The following DES variants were observed in gnomAD, a reference collection of about 807,000 sequenced individuals.
DES encodes the protein cardiomyopathy, dilated 1F (autosomal dominant).
Under a neutral mutation model 55.1 loss-of-function variants are expected in DES, and 34 were observed. The ratio of observed to expected loss-of-function variants is 0.62; its 90% CI spans 0.47 to 0.82. The LOEUF (loss-of-function observed/expected upper bound fraction) is 0.82. DES is among the 40% of genes least tolerant of loss of function. The pLI is 0.00. For missense variants in DES, 596 were observed against 645.9 expected (o/e 0.92, Z 0.84); for synonymous variants, 259 against 270.8 (o/e 0.96, Z 0.43).
intron 6 of DES, 67 bp from the exon 7 acceptor site, chr2:219,423,710 A>T (rs1283916485): frequency 6.5e-7 from 1 of 1,530,532 alleles, no homozygotes. Flanking sequence ...AAGTGCTGGG[A>T]TTACAGCTGG....
In DES at chr2:219,418,720, C is replaced by T. The variant is rs994454109; in HGVS notation, c.258C>T (p.Gly86=). The change falls in exon 1 of 9, where the codon GGC becomes GGT. Residue 86 remains glycine, a synonymous_variant. Transcript: ENST00000373960. The part of the protein sequence containing the change: ...TTRTPSSYGA[G]ELLDFSLADA... ...GCACGCCCTCCTCCTACGGCGCAGG[C>T]GAGCTGCTGGACTTCTCACTGGCCG... The T allele has an allele frequency of 1.9e-6, 3 of 1,563,208 alleles. No individual in the cohort carries two copies. Among genetic ancestry groups the T allele is most frequent in the Non-Finnish European group, 2.6e-6 (3 of 1,153,456 alleles).
rs1312957576 is a variant in DES, at chr2:219,425,723, C to A, written c.1349C>A (p.Thr450Asn). The A allele has an allele frequency of 6.2e-7, 1 of 1,602,642 alleles. No homozygotes were observed. The highest frequency in any genetic ancestry group is 1.3e-5 in the African/African-American group (1 of 74,790). Residue 450 changes from threonine to asparagine, a missense_variant, in exon 8 of 9, where the codon ACC becomes AAC. Transcript: ENST00000373960. ...VHTKKTVMIK[T>N]IETRDGEVVS... ...ACCAAGAAGACGGTGATGATCAAGA[C>A]CATCGAGACACGGGATGGGGAGGTA...
Position 219,420,012 on chromosome 2 carries a change from C to T in DES, c.579-83C>T. On this transcript the variant is annotated intron_variant, in intron 1 of 8. Transcript: ENST00000373960. This position sits in a 1 kb window ranked among gnomAD's most constrained non-coding sequence, Gnocchi z 6.0. ...GCCCTCCCGCTCTGTCCTGGACCCA[C>T]CCCCTGGTCAGCCCCCGGCCAGTCG... 1 of 1,472,352 alleles carries T rather than the reference C, an allele frequency of 6.8e-7. No homozygotes were observed. The highest frequency in any genetic ancestry group is 1.4e-5 in the African/African-American group (1 of 72,276). The allele number at this position is 1,472,352 out of a possible 1,614,324, so 91.2% of individuals were successfully genotyped here. A position where few individuals can be genotyped will look rare whatever the true frequency, so the allele number is the denominator to read the frequency against.
rs374144840 is a variant in DES, at chr2:219,420,321, C to A, written c.710C>A (p.Ala237Glu). The A allele has an allele frequency of 1.9e-6, 3 of 1,614,100 alleles. No homozygotes were observed. The highest frequency in any genetic ancestry group is 2.2e-5 in the South Asian group (2 of 91,080). ...RRIESLNEEI[A>E]FLKKVHEEEI... ...ATTGAATCTCTCAACGAGGAGATCG[C>A]GTTCCTTAAGAAAGTGCATGAAGAG... Residue 237 changes from alanine (A) to glutamate (E), a missense_variant, in exon 3 of 9, where the codon GCG becomes GAG. Ala to Glu is a moderately radical substitution (Grantham distance 107, BLOSUM62 -1). Transcript: ENST00000373960. This position sits in a 1 kb window ranked among gnomAD's most constrained non-coding sequence, Gnocchi z 6.0.
At position 219,419,172 on chromosome 2, in the gene DES, A is replaced by G. The variant is rs1192155883; in HGVS notation, c.578+132A>G. The G allele has an allele frequency of 1.3e-6, 2 of 1,491,626 alleles. No individual in the cohort carries two copies. The highest frequency in any genetic ancestry group is 1.8e-6 in the Non-Finnish European group (2 of 1,121,958). The allele number at this position is 1,491,626 out of a possible 1,614,324, so 92.4% of individuals were successfully genotyped here. On this transcript the variant is annotated intron_variant, in intron 1 of 8. Coordinates refer to ENST00000373960, the MANE Select transcript of DES (RefSeq NM_001927.4). The surrounding 1 kb of genome is among the most constrained non-coding windows in gnomAD (Gnocchi z 4.3). Reference sequence around the variant, plus strand: ...GACCCTCTCCTGCCCCATGTGGAGAAAGGGTCCTCCACCTGTGTGTTTCAA... The same window carrying G: ...GACCCTCTCCTGCCCCATGTGGAGAGAGGGTCCTCCACCTGTGTGTTTCAA...
chr2:219,418,918 C>T lies in DES; in HGVS notation c.456C>T (p.Ala152=), dbSNP rs1954377458. The change falls in exon 1 of 9, where the codon GCC becomes GCT. Residue 152 remains alanine, a synonymous_variant. Transcript: ENST00000373960. ...RLKGREPTRV[A]ELYEEELREL... is the part of the protein sequence containing the mutation. ...AGGGCCGCGAGCCGACGCGAGTGGC[C>T]GAGCTCTACGAGGAGGAGCTGCGGG... 3 of 1,561,468 alleles carry T rather than the reference C, an allele frequency of 1.9e-6. No individual in the cohort carries two copies. Among genetic ancestry groups the T allele is most frequent in the Non-Finnish European group, 1.7e-6 (2 of 1,152,648 alleles).
intron 6 of DES, among the ~76,000 whole-genome samples, chr2:219,422,463 C>T (rs1463701931): frequency 3.7e-4 from 38 of 103,500 alleles, no homozygotes; most frequent in African/African-American, 5.6e-4. Flanking sequence ...TGTTCTATAT[C>T]TTTTTTTTTT....
In DES at chr2:219,420,062, G is replaced by A. The variant is rs556437168; in HGVS notation, c.579-33G>A. ...GTTTCCACTGCCAGCTTTATCACCCGCAACTGTCTGTCTTTCTGTCTGTCC... is the reference window on the plus strand; with the variant it reads ...GTTTCCACTGCCAGCTTTATCACCCACAACTGTCTGTCTTTCTGTCTGTCC... On this transcript the variant is annotated intron_variant, in intron 1 of 8. Coordinates refer to ENST00000373960, the MANE Select transcript of DES (RefSeq NM_001927.4). This position sits in a 1 kb window ranked among gnomAD's most constrained non-coding sequence, Gnocchi z 6.0. 2.0e-5 allele frequency: 32 copies of A among 1,612,548 alleles called. No homozygotes were observed. The highest frequency in any genetic ancestry group is 4.0e-5 in the African/African-American group (3 of 74,900).
At chr2:219,421,314 T>G (rs897228277) in intron 5 of DES, 26 bp from the exon 6 acceptor site, 2 of 1,613,474 alleles carry the variant, frequency 1.2e-6, no homozygotes, top group Non-Finnish European at 8.5e-7. Context: ...TTCCCTTCCT[T>G]GACCTGGGTT....
In DES at chr2:219,426,098, C is replaced by T. The variant is rs1253149816; in HGVS notation, c.*108C>T. On this transcript the variant is annotated 3_prime_UTR_variant, in exon 9 of 9. Coordinates refer to ENST00000373960, the MANE Select transcript of DES (RefSeq NM_001927.4). The surrounding 1 kb of genome is among the most constrained non-coding windows in gnomAD (Gnocchi z 4.5). ...CACCACACCCAGCCTCAGTCCTCCC[C>T]TCACAGCCTCTGACCCCTCCTCACT... The T allele has an allele frequency of 2.4e-6, 3 of 1,267,764 alleles. No homozygotes were observed. In the African/African-American group the frequency reaches 4.4e-5, roughly 19 times the overall value. The allele number at this position is 1,267,764 out of a possible 1,614,324, so 78.5% of individuals were successfully genotyped here.
intron 7 of DES, chr2:219,425,267 C>T (rs1954515361): frequency 3.9e-6 from 1 of 255,260 alleles, no homozygotes; most frequent in Admixed American, 4.8e-5. Context: ...CTTTGGGGTT[C>T]TATCTTGAAG....
At chr2:219,421,037 G>T (rs1954431838) in intron 5 of DES, 84 bp downstream of exon 5, 2 of 1,543,562 alleles carry the variant, frequency 1.3e-6, no homozygotes. Context: ...GCCCATCATA[G>T]ATCCTCTCTG....
In DES at chr2:219,421,327, C is replaced by T; in HGVS notation, c.1024-13C>T. ...TCTTCCCTTCCTTGACCTGGGTTCCCCCTCTCCTGCAGAACGATTCCCTGA... is the reference window on the plus strand; with the variant it reads ...TCTTCCCTTCCTTGACCTGGGTTCCTCCTCTCCTGCAGAACGATTCCCTGA... On this transcript the variant is annotated splice_polypyrimidine_tract_variant and intron_variant, in intron 5 of 8. Transcript: ENST00000373960. 1.2e-6 allele frequency: 2 copies of T among 1,613,878 alleles called. No individual in the cohort carries two copies. Among genetic ancestry groups the T allele is most frequent in the Middle Eastern group, 1.7e-4 (1 of 6,054 alleles).
At chr2:219,424,415 T>C (rs959847098) in intron 7 of DES, among the ~76,000 whole-genome samples, 3 of 152,212 alleles carry the variant, frequency 2.0e-5, no homozygotes, top group African/African-American at 7.2e-5. Flanking sequence ...AAACACACGA[T>C]AATGATGCAT....
Position 219,418,490 on chromosome 2 carries a change from C to T in DES, c.28C>T (p.Arg10Cys), listed in dbSNP as rs1196125127. The part of the protein sequence containing the change: MSQAYSSSQ[R>C]VSSYRRTFGG... ...GAGCCAGGCCTACTCGTCCAGCCAG[C>T]GCGTGTCCTCCTACCGCCGCACCTT... is the stretch of plus-strand genomic sequence containing the variant. The change falls in exon 1 of 9, where the codon CGC becomes TGC. Residue 10 changes from arginine to cysteine, a missense_variant. Coordinates refer to ENST00000373960, the MANE Select transcript of DES (RefSeq NM_001927.4). 8.1e-6 allele frequency: 13 copies of T among 1,600,730 alleles called. No individual in the cohort carries two copies. The highest frequency in any genetic ancestry group is 1.4e-5 in the African/African-American group (1 of 73,934).
chr2:219,421,000 G>A lies in DES; in HGVS notation c.1023+47G>A. 1.2e-6 allele frequency: 2 copies of A among 1,600,564 alleles called. No homozygotes were observed. Among genetic ancestry groups the A allele is most frequent in the Non-Finnish European group, 1.7e-6 (2 of 1,174,816 alleles). ...CAGGCCCTGCCCCTTCCTGTCTGCAGTTCACACCCTCACTTTGTGACCTTG... is the reference window on the plus strand; with the variant it reads ...CAGGCCCTGCCCCTTCCTGTCTGCAATTCACACCCTCACTTTGTGACCTTG... On this transcript the variant is annotated intron_variant, in intron 5 of 8. Coordinates refer to ENST00000373960, the MANE Select transcript of DES (RefSeq NM_001927.4). This position sits in a 1 kb window ranked among gnomAD's most constrained non-coding sequence, Gnocchi z 6.0.
intron 6 of DES, among the ~76,000 whole-genome samples, chr2:219,423,311 C>T (rs1473417691): frequency 6.6e-6 from 1 of 152,118 alleles, no homozygotes; most frequent in Non-Finnish European, 1.5e-5. Context: ...AGCTGGCCTT[C>T]GACCCCATTC....
Position 219,420,980 on chromosome 2 carries a change from C to T in DES, c.1023+27C>T. On this transcript the variant is annotated intron_variant, in intron 5 of 8. Coordinates refer to ENST00000373960, the MANE Select transcript of DES (RefSeq NM_001927.4). The surrounding 1 kb of genome is among the most constrained non-coding windows in gnomAD (Gnocchi z 6.0). ...TGAGTCCCTGCCCACCTGGCCAGGCCCTGCCCCTTCCTGTCTGCAGTTCAC... is the reference window on the plus strand; with the variant it reads ...TGAGTCCCTGCCCACCTGGCCAGGCTCTGCCCCTTCCTGTCTGCAGTTCAC... 1.2e-6 allele frequency: 2 copies of T among 1,608,444 alleles called. No homozygotes were observed. The highest frequency in any genetic ancestry group is 1.3e-5 in the African/African-American group (1 of 74,866).
At chr2:219,421,208 A>G (rs1954434336) in intron 5 of DES, 132 bp from the exon 6 acceptor site, 6 of 1,046,378 alleles carry the variant, frequency 5.7e-6, no homozygotes, top group Non-Finnish European at 8.7e-6. Flanking sequence ...GTTCACATAT[A>G]GACTTAATTT....
Sources: allele counts gnomAD v4.1 joint callset (sites outside exome capture counted in the v4.1 genomes callset), GRCh38; gene constraint gnomAD v4.1.1; non-coding constraint Gnocchi (gnomAD v3.1); transcripts MANE v1.5; gene names NCBI Gene and HGNC (gene_info 2026-07-23, HGNC 2026-07-21).